PPP1R16A: variants seen among roughly 807,000 people sequenced by gnomAD.
PPP1R16A encodes protein phosphatase 1 regulatory subunit 16A, also known as myosin phosphatase-targeting subunit 3.
In PPP1R16A, 39 loss-of-function variants were observed where a neutral mutation model predicts 46.6. The ratio of observed to expected loss-of-function variants is 0.84; its 90% CI spans 0.65 to 1.09. The LOEUF (loss-of-function observed/expected upper bound fraction) is 1.09, where lower values mean the gene tolerates loss of function less well. Among genes scored for constraint, PPP1R16A ranks in the 50% least tolerant of loss-of-function variants. The pLI is 0.00. For missense variants in PPP1R16A, 798 were observed against 735.6 expected (o/e 1.08, Z -0.98); for synonymous variants, 413 against 321.5 (o/e 1.28, Z -3.04).
intron 2 of PPP1R16A, among the ~76,000 whole-genome samples, chr8:144,490,974 G>T (rs1057363784): frequency 1.3e-5 from 2 of 152,008 alleles, no homozygotes; most frequent in African/African-American, 2.4e-5. Flanking sequence ...TGGGAGGATC[G>T]CTGGACCCCA....
At chr8:144,492,035 C>T (rs921933657) in intron 2 of PPP1R16A, among the ~76,000 whole-genome samples, 7 of 152,168 alleles carry the variant, frequency 4.6e-5, no homozygotes, top group African/African-American at 9.7e-5. Context: ...GCTATTAAAG[C>T]CCCCAGAGCC....
intron 3 of PPP1R16A, 125 bp from the exon 4 acceptor site, chr8:144,498,645 C>G: frequency 1.1e-6 from 1 of 932,986 alleles, no homozygotes; most frequent in Non-Finnish European, 1.6e-6. Flanking sequence ...CCCCTGGGCT[C>G]TGGTGTGCCT....
At chr8:144,482,245 G>A (rs1330222098) in intron 1 of PPP1R16A, among the ~76,000 whole-genome samples, 1 of 151,692 alleles carries the variant, frequency 6.6e-6, no homozygotes, top group African/African-American at 2.4e-5. Context: ...GCTAATTTTT[G>A]TATTTTTAGT....
intron 3 of PPP1R16A, chr8:144,498,263 T>C: frequency 5.6e-6 from 2 of 359,388 alleles, no homozygotes; most frequent in South Asian, 4.0e-5. Flanking sequence ...GGGAGAACCC[T>C]GGTGACCTGG....
At chr8:144,494,342 C>T (rs1011284373) in intron 2 of PPP1R16A, among the ~76,000 whole-genome samples, 9 of 151,810 alleles carry the variant, frequency 5.9e-5, no homozygotes, top group Non-Finnish European at 1.0e-4. Context: ...GAGACAGGAT[C>T]GCCCTCTGTC....
Position 144,496,629 on chromosome 8 carries a change from T to G in PPP1R16A, c.-566T>G, listed in dbSNP as rs1183035639. The G allele has an allele frequency of 5.9e-6, 1 of 170,890 alleles. No individual in the cohort carries two copies. Among genetic ancestry groups the G allele is most frequent in the Non-Finnish European group, 1.3e-5 (1 of 78,014 alleles). The allele number at this position is 170,890 out of a possible 1,614,324, so 10.6% of individuals were successfully genotyped here. A position where few individuals can be genotyped will look rare whatever the true frequency, so the allele number is the denominator to read the frequency against. ...CAGCCTCAGCGGCTGCACCTCCTCGTTAGTACTGATGCACTGACCTCGGCA... is the reference window on the plus strand; with the variant it reads ...CAGCCTCAGCGGCTGCACCTCCTCGGTAGTACTGATGCACTGACCTCGGCA... On this transcript the variant is annotated 5_prime_UTR_variant, in exon 3 of 12. Coordinates refer to ENST00000435887, the MANE Select transcript of PPP1R16A (RefSeq NM_001329443.2).
chr8:144,481,313 G>A (rs1291491588), intron 1 of PPP1R16A, among the ~76,000 whole-genome samples: 3 of 152,032 alleles, frequency 2.0e-5, no homozygotes, highest in South Asian at 2.1e-4. Flanking sequence ...AATAGTGATC[G>A]CTTTCTATTA....
chr8:144,492,525 T>C (rs557071640), intron 2 of PPP1R16A, among the ~76,000 whole-genome samples: 27 of 152,062 alleles, frequency 1.8e-4, no homozygotes, highest in Admixed American at 3.3e-4. Flanking sequence ...TTAGTAGAGA[T>C]GGGGTTTTAC....
chr8:144,501,691 C>A lies in PPP1R16A; in HGVS notation c.1375C>A (p.Leu459Met), dbSNP rs1293534295. ...HDKAHHTLAD[L>M]KRQRAAAKLQ... ...CAAGGCCCACCACACCCTGGCTGAC[C>A]TGAAGCGCCAGCGAGCTGCTGCCAA... The change falls in exon 12 of 12, where the codon CTG (leucine) becomes ATG (methionine). Residue 459 changes from leucine (L) to methionine (M), a missense_variant. Coordinates refer to ENST00000435887, the MANE Select transcript of PPP1R16A (RefSeq NM_001329443.2). 2.5e-6 allele frequency: 4 copies of A among 1,606,068 alleles called. No individual in the cohort carries two copies. The highest frequency in any genetic ancestry group is 3.4e-6 in the Non-Finnish European group (4 of 1,177,130).
chr8:144,486,679 C>G (rs922170264), intron 1 of PPP1R16A, among the ~76,000 whole-genome samples: 4 of 152,292 alleles, frequency 2.6e-5, no homozygotes, highest in Admixed American at 2.6e-4. Context: ...TCTTTGCATC[C>G]TCTGCCCATT....
In PPP1R16A at chr8:144,500,207, C is replaced by CG; in HGVS notation, c.580+10dup. ...CTGCCATGGCCGACCGTGGTAGGTG[C>CG]GGCGGTGCGGCTGTGGGAGGGCTGC... On this transcript the variant is annotated intron_variant, in intron 6 of 11. Coordinates refer to ENST00000435887, the MANE Select transcript of PPP1R16A (RefSeq NM_001329443.2). 6.3e-7 allele frequency: 1 copy of CG among 1,598,254 alleles called. No homozygotes were observed. Among genetic ancestry groups the CG allele is most frequent in the Non-Finnish European group, 8.5e-7 (1 of 1,173,230 alleles).
chr8:144,492,283 T>C (rs1007941206), intron 2 of PPP1R16A, among the ~76,000 whole-genome samples: 10 of 151,392 alleles, frequency 6.6e-5, no homozygotes, highest in Non-Finnish European at 1.5e-4. Flanking sequence ...TGACCTGCTC[T>C]GGGGGTTTTA....
At chr8:144,499,909 C>T in intron 5 of PPP1R16A, 187 bp from the exon 6 acceptor site, 1 of 603,958 alleles carries the variant, frequency 1.7e-6, no homozygotes. Flanking sequence ...GGAGGCCTGT[C>T]TGGCTTAATG....
At chr8:144,489,547 G>T (rs1564761550) in intron 1 of PPP1R16A, among the ~76,000 whole-genome samples, 1 of 152,090 alleles carries the variant, frequency 6.6e-6, no homozygotes, top group Non-Finnish European at 1.5e-5. Flanking sequence ...CCCCGGGGAT[G>T]CCCTGTGTGT....
At position 144,501,779 on chromosome 8, in the gene PPP1R16A, G is replaced by C; in HGVS notation, c.1463G>C (p.Gly488Ala). The C allele has an allele frequency of 6.4e-7, 1 of 1,561,248 alleles. No individual in the cohort carries two copies. ...SPETAEPGLP[G>A]DTVTPQPDCG... is the part of the protein sequence containing the mutation. The stretch of plus-strand genomic sequence containing the variant: ...GAGACAGCTGAGCCTGGCCTGCCTG[G>C]TGACACGGTGACCCCCCAGCCTGAC... Residue 488 changes from glycine to alanine, a missense_variant, in exon 12 of 12, where the codon GGT becomes GCT. Physicochemically the swap from Gly to Ala is moderately conservative, Grantham distance 60. Transcript: ENST00000435887.
In PPP1R16A at chr8:144,500,736, G is replaced by A. The variant is rs750675244; in HGVS notation, c.882G>A (p.Lys294=). 1.2e-5 allele frequency: 20 copies of A among 1,611,840 alleles called. No individual in the cohort carries two copies. The highest frequency in any genetic ancestry group is 3.3e-5 in the Admixed American group (2 of 59,948). ...LVAHGADLNA[K]SLMDETPLDV... is the part of the protein sequence containing the mutation. Reference sequence around the variant, plus strand: ...CGCACGGGGCCGACCTGAACGCAAAGTCCCTGATGGACGAGACGCCCCTTG... The same window carrying A: ...CGCACGGGGCCGACCTGAACGCAAAATCCCTGATGGACGAGACGCCCCTTG... Residue 294 remains lysine (K), a synonymous_variant, in exon 9 of 12, where the codon AAG becomes AAA. Transcript: ENST00000435887.
rs751825101 is a variant in PPP1R16A, at chr8:144,500,674, T to C, written c.832-12T>C. The C allele has an allele frequency of 3.1e-6, 5 of 1,608,684 alleles. No individual in the cohort carries two copies. Reference sequence around the variant, plus strand: ...AGCGCAGCAGTCTGCAGCTCCGGCCTGCCGTCCACAGGTGCCCCTGGTGGA... The same window carrying C: ...AGCGCAGCAGTCTGCAGCTCCGGCCCGCCGTCCACAGGTGCCCCTGGTGGA... On this transcript the variant is annotated splice_polypyrimidine_tract_variant and intron_variant, in intron 8 of 11. Coordinates refer to ENST00000435887, the MANE Select transcript of PPP1R16A (RefSeq NM_001329443.2).
intron 2 of PPP1R16A, among the ~76,000 whole-genome samples, chr8:144,491,976 T>A (rs1328581196): frequency 1.3e-5 from 2 of 152,166 alleles, no homozygotes; most frequent in Non-Finnish European, 2.9e-5. Context: ...ACCAAGTCTT[T>A]TAGTTATAAG....
At chr8:144,478,250 G>A in intron 1 of PPP1R16A, 123 bp downstream of exon 1, 1 of 386,280 alleles carries the variant, frequency 2.6e-6, no homozygotes, top group African/African-American at 2.1e-5. Flanking sequence ...GAGGAGGCCG[G>A]GCCGGGGAAG....
Sources: gnomAD v4.1 joint callset for allele counts (sites outside exome capture counted in the v4.1 genomes callset) on GRCh38, gnomAD v4.1.1 for gene constraint, MANE v1.5 for transcripts, NCBI Gene and HGNC (gene_info 2026-07-23, HGNC 2026-07-21) for gene names.